The following PCSK9 variants were observed in gnomAD, a reference collection of about 807,000 sequenced individuals.
The protein encoded by PCSK9 is proprotein convertase subtilisin/kexin type 9.
In PCSK9, 57 loss-of-function variants were observed where a neutral mutation model predicts 62.1. The ratio of observed to expected loss-of-function variants is 0.92; its 90% CI spans 0.74 to 1.14. The LOEUF (loss-of-function observed/expected upper bound fraction) is 1.14. Among genes scored for constraint, PCSK9 ranks in the 50% most tolerant of loss-of-function variants. PCSK9 has a pLI of 0.00. For missense variants in PCSK9, 870 were observed against 959.8 expected, an observed-to-expected ratio of 0.91 and a Z score of 1.24; for synonymous variants, 387 against 409.4, an observed-to-expected ratio of 0.95 and a Z score of 0.66.
chr1:55,053,379 A>C (rs960445224), intron 5 of PCSK9, among the ~76,000 whole-genome samples: 3 of 152,064 alleles, frequency 2.0e-5, no homozygotes, highest in African/African-American at 7.2e-5. Flanking sequence ...TCCCTTACTG[A>C]CTTCCTTCTG....
At position 55,040,109 on chromosome 1, in the gene PCSK9, C is replaced by T; in HGVS notation, c.207+65C>T. 6.6e-7 allele frequency: 1 copy of T among 1,522,638 alleles called. No individual in the cohort carries two copies. Among genetic ancestry groups the T allele is most frequent in the Non-Finnish European group, 8.9e-7 (1 of 1,126,222 alleles). The allele number at this position is 1,522,638 out of a possible 1,614,324, so 94.3% of individuals were successfully genotyped here. A position where few individuals can be genotyped will look rare whatever the true frequency, so the allele number is the denominator to read the frequency against. On this transcript the variant is annotated intron_variant, in intron 1 of 11. Transcript: ENST00000302118. This position sits in a 1 kb window ranked among gnomAD's most constrained non-coding sequence, Gnocchi z 4.1. ...CCGGGACGGTGCGGTGCTGTTTCCT[C>T]TCGGGCCTCAGTTTCCCCCCATGTA...
chr1:55,058,120 A>G lies in PCSK9; in HGVS notation c.1265A>G (p.Asp422Gly). The change falls in exon 8 of 12, where the codon GAT (aspartate) becomes GGT (glycine). Residue 422 changes from aspartate (D) to glycine (G), a missense_variant. Coordinates refer to ENST00000302118, the MANE Select transcript of PCSK9 (RefSeq NM_174936.4). ...RQRLIHFSAK[D>G]VINEAWFPED... The stretch of plus-strand genomic sequence containing the variant: ...AGACTGATCCACTTCTCTGCCAAAG[A>G]TGTCATCAATGAGGCCTGGTTCCCT... The G allele has an allele frequency of 6.2e-7, 1 of 1,613,632 alleles. No homozygotes were observed. The highest frequency in any genetic ancestry group is 8.5e-7 in the Non-Finnish European group (1 of 1,180,024).
intron 7 of PCSK9, 88 bp from the exon 8 acceptor site, chr1:55,057,948 G>A: frequency 2.0e-6 from 3 of 1,528,360 alleles, no homozygotes; most frequent in South Asian, 2.2e-5. Flanking sequence ...TTGTGTGTAT[G>A]TGTGTGCGTG....
rs185361730 is a variant in PCSK9 at position 55,040,852 on chromosome 1, C to T, written c.207+808C>T. Among the ~76,000 whole-genome samples the T allele has an allele frequency of 9.2e-5, 14 of 152,338 alleles. No homozygotes were observed. The highest frequency in any genetic ancestry group is 3.4e-3 in the Middle Eastern group (1 of 294). On this transcript the variant is annotated intron_variant, in intron 1 of 11. Coordinates refer to ENST00000302118, the MANE Select transcript of PCSK9 (RefSeq NM_174936.4). The surrounding 1 kb of genome is among the most constrained non-coding windows in gnomAD (Gnocchi z 4.1). ...CCGTGTGCGGGGCGAGTTTGCTCAA[C>T]AACTCTGCCAGCTTCTGGCCCTCAG... is the stretch of plus-strand genomic sequence containing the variant.
At chr1:55,052,490 A>G in intron 4 of PCSK9, 79 bp downstream of exon 4, 2 of 1,607,032 alleles carry the variant, frequency 1.2e-6, no homozygotes, top group Non-Finnish European at 1.7e-6. Context: ...GCCACCCCAG[A>G]GCGTTGCAGC....
intron 9 of PCSK9, among the ~76,000 whole-genome samples, chr1:55,059,250 C>CTATCTCCAT (rs1570308347): frequency 6.6e-6 from 1 of 152,270 alleles, no homozygotes; most frequent in East Asian, 1.9e-4. Flanking sequence ...GGATTTCTCT[C>CTATCTCCAT]TATCTCCATT....
intron 6 of PCSK9, 32 bp downstream of exon 6, chr1:55,056,221 G>C (rs1322634658): frequency 8.1e-6 from 10 of 1,231,970 alleles, no homozygotes; most frequent in Non-Finnish European, 1.0e-5. Flanking sequence ...CCAAGGCGCG[G>C]GTAGGGGGCG....
intron 10 of PCSK9, among the ~76,000 whole-genome samples, chr1:55,060,260 A>G (rs1570309223): frequency 6.6e-6 from 1 of 152,184 alleles, no homozygotes; most frequent in Admixed American, 6.5e-5. Context: ...AGGTAGCAGG[A>G]AGTCACAGAT....
rs542423698 is a variant in PCSK9, at chr1:55,046,408, G to A, written c.400-115G>A. 3.6e-4 allele frequency: 533 copies of A among 1,498,704 alleles called. 5 individuals are homozygous for A. The South Asian group carries it at 4.9e-3, about 14-fold the overall frequency. 92.8% of individuals were successfully genotyped at this position (1,498,704 alleles called of 1,614,324 possible). On this transcript the variant is annotated intron_variant, in intron 2 of 11. Coordinates refer to ENST00000302118, the MANE Select transcript of PCSK9 (RefSeq NM_174936.4). ...GGGCACTAGCAGGGACAAGGTGGGAGGCTGCTGGGCTGGGATGTGGGGACA... is the reference window on the plus strand; with the variant it reads ...GGGCACTAGCAGGGACAAGGTGGGAAGCTGCTGGGCTGGGATGTGGGGACA...
intron 2 of PCSK9, 140 bp from the exon 3 acceptor site, chr1:55,046,383 G>T: frequency 7.7e-7 from 1 of 1,298,266 alleles, no homozygotes; most frequent in East Asian, 2.3e-5. Context: ...CTGTCCTCCG[G>T]GGCACTAGCA....
intron 5 of PCSK9, among the ~76,000 whole-genome samples, chr1:55,055,135 G>A (rs1344717294): frequency 6.6e-6 from 1 of 152,192 alleles, no homozygotes; most frequent in East Asian, 1.9e-4. Flanking sequence ...GGGGAGTTAT[G>A]GTATGGGGGG....
chr1:55,042,101 C>A (rs1644601585), intron 1 of PCSK9, among the ~76,000 whole-genome samples: 1 of 152,090 alleles, frequency 6.6e-6, no homozygotes. Flanking sequence ...TACCTGCCAC[C>A]ACGCCCGGCT....
intron 2 of PCSK9, among the ~76,000 whole-genome samples, chr1:55,045,185 C>A (rs1027342829): frequency 2.6e-5 from 4 of 152,106 alleles, no homozygotes; most frequent in Non-Finnish European, 5.9e-5. Context: ...ACGAGCCCCA[C>A]AGGCCAGGGC....
At chr1:55,051,096 C>A in intron 3 of PCSK9, 1 of 455,362 alleles carries the variant, frequency 2.2e-6, no homozygotes, top group Non-Finnish European at 4.4e-6. Context: ...GCTGCTGAGT[C>A]TGGGAATTTG....
intron 10 of PCSK9, 81 bp downstream of exon 10, chr1:55,059,744 C>T (rs897399949): frequency 2.7e-5 from 40 of 1,484,744 alleles, no homozygotes; most frequent in Middle Eastern, 2.4e-4. Context: ...TTGGTCCTCA[C>T]AAGTGTGATC....
intron 3 of PCSK9, chr1:55,052,004 A>G: frequency 1.9e-6 from 1 of 529,522 alleles, no homozygotes; most frequent in Non-Finnish European, 3.4e-6. Context: ...TATTCATATG[A>G]AGGAGCAGGA....
rs1336298890 is a variant in PCSK9, at chr1:55,040,090, C to A, written c.207+46C>A. On this transcript the variant is annotated intron_variant, in intron 1 of 11. Transcript: ENST00000302118. The surrounding 1 kb of genome is among the most constrained non-coding windows in gnomAD (Gnocchi z 4.1). ...GGCCGGGGCGAACCCGCAGCCGGGA[C>A]GGTGCGGTGCTGTTTCCTCTCGGGC... 3 of 1,539,500 alleles carry A rather than the reference C, an allele frequency of 1.9e-6. 1 individual carries two copies. The highest frequency in any genetic ancestry group is 2.4e-5 in the South Asian group (2 of 83,702).
At position 55,063,383 on chromosome 1, in the gene PCSK9, C is replaced by T. The variant is rs199815786; in HGVS notation, c.1878C>T (p.Cys626=). 88 of 1,613,750 alleles carry T rather than the reference C, an allele frequency of 5.5e-5. No homozygotes were observed. The East Asian group carries it at 1.6e-3, about 30-fold the overall frequency. ...PAPQEQVTVA[C]EEGWTLTGCS... ...GGCTCTGGCAGGTGACCGTGGCCTGCGAGGAGGGCTGGACCCTGACTGGCT... is the reference window on the plus strand; with the variant it reads ...GGCTCTGGCAGGTGACCGTGGCCTGTGAGGAGGGCTGGACCCTGACTGGCT... The change falls in exon 12 of 12, where the codon TGC becomes TGT. Residue 626 remains cysteine, a synonymous_variant. Coordinates refer to ENST00000302118, the MANE Select transcript of PCSK9 (RefSeq NM_174936.4).
Position 55,063,523 on chromosome 1 carries a change from C to T in PCSK9, c.2018C>T (p.Thr673Ile). Residue 673 changes from threonine (T) to isoleucine (I), a missense_variant, in exon 12 of 12, where the codon ACA becomes ATA. By Grantham distance (89) the Thr-to-Ile change is moderately conservative. Coordinates refer to ENST00000302118, the MANE Select transcript of PCSK9 (RefSeq NM_174936.4). ...GGCAGCACCAGCGAAGGGGCCGTGA[C>T]AGCCGTTGCCATCTGCTGCCGGAGC... is the stretch of plus-strand genomic sequence containing the variant. Reference protein sequence around the residue: ...TTGSTSEGAVTAVAICCRSRH... With the variant: ...TTGSTSEGAVIAVAICCRSRH... The T allele has an allele frequency of 1.2e-6, 2 of 1,613,622 alleles. No individual in the cohort carries two copies. The highest frequency in any genetic ancestry group is 1.7e-6 in the Non-Finnish European group (2 of 1,179,740).
Sources: allele counts gnomAD v4.1 joint callset (sites outside exome capture counted in the v4.1 genomes callset), GRCh38; gene constraint gnomAD v4.1.1; non-coding constraint Gnocchi (gnomAD v3.1); transcripts MANE v1.5; gene names NCBI Gene and HGNC (gene_info 2026-07-23, HGNC 2026-07-21).